The following GPHN variants were observed in gnomAD, a reference collection of about 807,000 sequenced individuals.
GPHN encodes gephyrin.
In GPHN, 17 loss-of-function variants were observed where a neutral mutation model predicts 95.5. That is an observed-to-expected ratio of 0.18 (90% confidence interval 0.12 to 0.27). The LOEUF is 0.27. GPHN is among the 10% of genes least tolerant of loss of function. The probability of loss-of-function intolerance (pLI) is 1.00; values close to 1 mark genes in which losing one functional copy is unlikely to be tolerated. For missense variants in GPHN, 660 were observed against 978.1 expected (o/e 0.67, Z 4.34); for synonymous variants, 320 against 322.5 (o/e 0.99, Z 0.08).
the GPHN span, among the ~76,000 whole-genome samples, chr14:67,598,298 T>A: frequency 6.6e-6 from 1 of 152,002 alleles, no homozygotes. Flanking sequence ...GTAAGCAGAG[T>A]ACACCGGCAT....
At chr14:67,188,591 A>G in the GPHN span, among the ~76,000 whole-genome samples, 1 of 152,220 alleles carries the variant, frequency 6.6e-6, no homozygotes, top group South Asian at 2.1e-4. Flanking sequence ...GACCAGAGGA[A>G]GAATTTGTCC....
the GPHN span, among the ~76,000 whole-genome samples, chr14:67,528,569 C>A: frequency 6.6e-6 from 1 of 152,168 alleles, no homozygotes; most frequent in South Asian, 2.1e-4. Context: ...CTAAAATGAT[C>A]TAGAATTGCA....
At chr14:67,316,401 G>A in the GPHN span, among the ~76,000 whole-genome samples, 9 of 150,820 alleles carry the variant, frequency 6.0e-5, no homozygotes, top group South Asian at 2.1e-4. Context: ...TGGTTTCTTG[G>A]AATTGAATAT....
chr14:67,348,408 T>C, the GPHN span, among the ~76,000 whole-genome samples: 47 of 152,136 alleles, frequency 3.1e-4, no homozygotes, highest in African/African-American at 1.1e-3. Context: ...GGTTTCACCA[T>C]GTTGGCCAGG....
chr14:67,346,201 C>A, the GPHN span, among the ~76,000 whole-genome samples: 1 of 152,218 alleles, frequency 6.6e-6, no homozygotes, highest in Non-Finnish European at 1.5e-5. Context: ...GAACAGGTGA[C>A]TCTCTCTAGA....
intron 1 of GPHN, among the ~76,000 whole-genome samples, chr14:66,518,465 GATCC>G (rs538925594): frequency 6.2e-4 from 94 of 152,130 alleles, no homozygotes; most frequent in Non-Finnish European, 1.1e-3. Flanking sequence ...ACTACCATAT[GATCC>G]ATCAATTTCA....
At chr14:67,656,104 G>C in the GPHN span, among the ~76,000 whole-genome samples, 2 of 152,078 alleles carry the variant, frequency 1.3e-5, no homozygotes, top group African/African-American at 4.8e-5. Flanking sequence ...ACATTAGCTA[G>C]GCATGGTGGC....
chr14:66,536,129 T>A (rs1051236063), intron 1 of GPHN, among the ~76,000 whole-genome samples: 25 of 152,078 alleles, frequency 1.6e-4, no homozygotes, highest in Non-Finnish European at 3.2e-4. Context: ...TTGAAAAAAA[T>A]TTTATAGAGA....
chr14:67,364,749 C>G, the GPHN span: 3 of 1,587,890 alleles, frequency 1.9e-6, no homozygotes, highest in South Asian at 3.4e-5. Flanking sequence ...TTACTTAATT[C>G]TTTTGTTTAA....
intron 2 of GPHN, among the ~76,000 whole-genome samples, chr14:66,733,780 A>G (rs1242932677): frequency 6.6e-6 from 1 of 152,232 alleles, no homozygotes; most frequent in African/African-American, 2.4e-5. Context: ...ATTAAGGATA[A>G]AGTTTTGTAA....
At chr14:67,712,653 A>G in the GPHN span, among the ~76,000 whole-genome samples, 1 of 152,194 alleles carries the variant, frequency 6.6e-6, no homozygotes, top group East Asian at 1.9e-4. Context: ...TTAAAATCTC[A>G]TTACTATATT....
At chr14:66,586,862 T>G (rs983728443) in intron 1 of GPHN, among the ~76,000 whole-genome samples, 2 of 151,622 alleles carry the variant, frequency 1.3e-5, no homozygotes, top group Non-Finnish European at 2.9e-5. Context: ...AACAACAATA[T>G]AAATCCCTAG....
intron 5 of GPHN, among the ~76,000 whole-genome samples, chr14:66,883,545 A>T (rs2064032843): frequency 6.6e-6 from 1 of 152,094 alleles, no homozygotes. Flanking sequence ...AGAACTGGTC[A>T]AATTTTCCTT....
chr14:67,395,562 G>C, the GPHN span: 1 of 1,614,166 alleles, frequency 6.2e-7, no homozygotes, highest in South Asian at 1.1e-5. Flanking sequence ...GTGGATGTTT[G>C]AGTCTTCAGC....
the GPHN span, among the ~76,000 whole-genome samples, chr14:67,525,905 C>A: frequency 6.6e-6 from 1 of 152,332 alleles, no homozygotes; most frequent in East Asian, 1.9e-4. Context: ...CAGAAGCCAT[C>A]TGAGAGTTTC....
the GPHN span, among the ~76,000 whole-genome samples, chr14:67,316,572 G>A: frequency 6.6e-6 from 1 of 152,064 alleles, no homozygotes; most frequent in African/African-American, 2.4e-5. Flanking sequence ...CTTTTAAAAA[G>A]TTGAACTATT....
intron 2 of GPHN, among the ~76,000 whole-genome samples, chr14:66,719,079 T>C (rs2070480086): frequency 6.6e-6 from 1 of 152,162 alleles, no homozygotes; most frequent in Admixed American, 6.5e-5. Context: ...ACCAAGTCTG[T>C]TTCCAGGCAG....
the GPHN span, chr14:67,302,654 CTG>C: frequency 9.6e-7 from 1 of 1,044,952 alleles, no homozygotes; most frequent in Non-Finnish European, 1.3e-6. Flanking sequence ...TTTAAAATAA[CTG>C]TTAAGAGCAC....
chr14:67,175,966 G>C (rs969712840), intron 21 of GPHN, among the ~76,000 whole-genome samples: 1 of 152,180 alleles, frequency 6.6e-6, no homozygotes, highest in African/African-American at 2.4e-5. Context: ...TCAGCTTAAG[G>C]AGGTTTTGGG....
Sources: allele counts gnomAD v4.1 joint callset (sites outside exome capture counted in the v4.1 genomes callset), GRCh38; gene constraint gnomAD v4.1.1; transcripts MANE v1.5; gene names NCBI Gene and HGNC (gene_info 2026-07-23, HGNC 2026-07-21).